The following PTPN21 variants were observed in gnomAD, a reference collection of about 807,000 sequenced individuals.
PTPN21 encodes protein tyrosine phosphatase non-receptor type 21.
Under a neutral mutation model 131.8 loss-of-function variants are expected in PTPN21, and 77 were observed. The observed-to-expected ratio is 0.58, with a 90% CI of 0.49 to 0.71. The LOEUF (loss-of-function observed/expected upper bound fraction) is 0.71, where lower values mean the gene tolerates loss of function less well. Among genes scored for constraint, PTPN21 ranks in the 30% least tolerant of loss-of-function variants. The probability of loss-of-function intolerance (pLI) is 0.00; values close to 1 mark genes in which losing one functional copy is unlikely to be tolerated. For synonymous variants in PTPN21, 715 were observed against 621.3 expected (o/e 1.15, Z -2.24); for missense variants, 1,552 against 1,527.1 (o/e 1.02, Z -0.27).
At chr14:88,549,621 T>C (rs1249726199) in intron 2 of PTPN21, among the ~76,000 whole-genome samples, 1 of 152,076 alleles carries the variant, frequency 6.6e-6, no homozygotes, top group East Asian at 1.9e-4. Flanking sequence ...TTAATTTTTT[T>C]TGAGACAGAG....
At chr14:88,545,820 C>T (rs948629932) in intron 2 of PTPN21, among the ~76,000 whole-genome samples, 2 of 151,758 alleles carry the variant, frequency 1.3e-5, no homozygotes, top group Non-Finnish European at 2.9e-5. Context: ...ATTAGCCGGG[C>T]GTGGTGGCAT....
At chr14:88,528,542 C>T (rs1232659343) in intron 2 of PTPN21, among the ~76,000 whole-genome samples, 2 of 152,168 alleles carry the variant, frequency 1.3e-5, no homozygotes, top group Admixed American at 6.5e-5. Flanking sequence ...GTGTCCTCAC[C>T]CAAATCTCAT....
rs1276971187 is a variant in PTPN21, at chr14:88,507,937, C to G, written c.434G>C (p.Gly145Ala). ...ATCTTATTTACCTTGAACAGCTAAG[C>G]CTGCTAGCTGAATTGCTTGTTCTAA... ...CTLEQAIQLA[G>A]LAVQADFGDF... The change falls in exon 4 of 19, where the codon GGC becomes GCC. Residue 145 changes from glycine (G) to alanine (A), a missense_variant. Coordinates refer to ENST00000556564, the MANE Select transcript of PTPN21 (RefSeq NM_007039.4). The G allele has an allele frequency of 6.3e-7, 1 of 1,597,596 alleles. No individual in the cohort carries two copies. Among genetic ancestry groups the G allele is most frequent in the Non-Finnish European group, 8.6e-7 (1 of 1,169,230 alleles).
At chr14:88,491,596 CAATT>C (rs1350707767) in intron 10 of PTPN21, among the ~76,000 whole-genome samples, 1 of 152,182 alleles carries the variant, frequency 6.6e-6, no homozygotes, top group African/African-American at 2.4e-5. Context: ...ATGGCCATAA[CAATT>C]AAAGTTCTTT....
Position 88,467,189 on chromosome 14 carries a change from T to A in PTPN21, c.*948A>T, listed in dbSNP as rs980967751. On this transcript the variant is annotated 3_prime_UTR_variant, in exon 19 of 19. Transcript: ENST00000556564. Reference sequence around the variant, plus strand: ...AGTCATCTTACATACTCTTAGTCCTTAATCTCTCCCAAAACGCTTCTCAGC... The same window carrying A: ...AGTCATCTTACATACTCTTAGTCCTAAATCTCTCCCAAAACGCTTCTCAGC... 2.7e-5 allele frequency: 4 copies of A among 149,732 alleles called. No homozygotes were observed. Among genetic ancestry groups the A allele is most frequent in the Non-Finnish European group, 5.9e-5 (4 of 67,590 alleles). The allele number at this position is 149,732 out of a possible 1,614,324, so 9.3% of individuals were successfully genotyped here.
At chr14:88,525,598 T>C (rs1383208819) in intron 2 of PTPN21, among the ~76,000 whole-genome samples, 5 of 152,146 alleles carry the variant, frequency 3.3e-5, no homozygotes, top group Non-Finnish European at 5.9e-5. Flanking sequence ...TATACATTGC[T>C]AGTAGAAGCA....
intron 2 of PTPN21, among the ~76,000 whole-genome samples, chr14:88,544,356 A>T (rs185051167): frequency 1.3e-5 from 2 of 151,654 alleles, no homozygotes; most frequent in Non-Finnish European, 1.5e-5. Flanking sequence ...ACCAAAAAAA[A>T]AGAAAAGAAA....
rs2077744186 is a variant in PTPN21, at chr14:88,486,971, T to C, written c.933-1129A>G. ...AGCCTGGGCAACAAGAGCGAGATTCTAGCCTCAAAAAAAAAAAAAAAAAAA... is the reference window on the plus strand; with the variant it reads ...AGCCTGGGCAACAAGAGCGAGATTCCAGCCTCAAAAAAAAAAAAAAAAAAA... On this transcript the variant is annotated intron_variant, in intron 10 of 18. Transcript: ENST00000556564. Among the ~76,000 whole-genome samples, 5 of 133,338 alleles carry C rather than the reference T, an allele frequency of 3.7e-5. No individual in the cohort carries two copies. In the South Asian group the frequency reaches 1.1e-3, roughly 30 times the overall value. 87.5% of individuals were successfully genotyped at this position (133,338 alleles called of 152,430 possible). A position where few individuals can be genotyped will look rare whatever the true frequency, so the allele number is the denominator to read the frequency against.
intron 12 of PTPN21, 87 bp downstream of exon 12, chr14:88,484,989 A>G: frequency 8.5e-7 from 1 of 1,172,342 alleles, no homozygotes; most frequent in East Asian, 2.4e-5. Context: ...TCAGCCAAAA[A>G]CTGTCCAGGC....
At chr14:88,522,680 T>C (rs2078414100) in intron 2 of PTPN21, among the ~76,000 whole-genome samples, 1 of 152,164 alleles carries the variant, frequency 6.6e-6, no homozygotes, top group African/African-American at 2.4e-5. Context: ...TTATATCTTG[T>C]TAAATACCTC....
chr14:88,494,485 T>G (rs898371499), intron 10 of PTPN21, among the ~76,000 whole-genome samples: 10 of 151,554 alleles, frequency 6.6e-5, no homozygotes, highest in African/African-American at 2.4e-4. Context: ...GTGGGTAACA[T>G]AAGGAGATCC....
chr14:88,510,388 CT>C (rs1309285618), intron 3 of PTPN21, among the ~76,000 whole-genome samples: 1 of 152,198 alleles, frequency 6.6e-6, no homozygotes, highest in Non-Finnish European at 1.5e-5. Flanking sequence ...GCTTTCTCCA[CT>C]ATTTAATAAT....
intron 3 of PTPN21, chr14:88,512,267 C>T (rs1028287890): frequency 6.6e-6 from 1 of 152,152 alleles, no homozygotes; most frequent in Non-Finnish European, 1.5e-5. Flanking sequence ...AATGTAACTA[C>T]ATTTTTATCA....
intron 8 of PTPN21, 69 bp from the exon 9 acceptor site, chr14:88,497,359 A>C: frequency 8.0e-7 from 1 of 1,251,136 alleles, no homozygotes; most frequent in South Asian, 1.2e-5. Flanking sequence ...TAGAATACAC[A>C]AGTTTTCCCT....
intron 2 of PTPN21, among the ~76,000 whole-genome samples, chr14:88,527,096 G>C (rs1320749379): frequency 6.6e-6 from 1 of 152,152 alleles, no homozygotes; most frequent in Non-Finnish European, 1.5e-5. Context: ...TTGCAATTGT[G>C]AATTGTGCTA....
intron 2 of PTPN21, among the ~76,000 whole-genome samples, chr14:88,530,120 T>A (rs1337431078): frequency 6.6e-6 from 1 of 152,148 alleles, no homozygotes; most frequent in Admixed American, 6.6e-5. Context: ...TGGGGTCCTA[T>A]ATTAGCCTCC....
At chr14:88,519,802 C>T (rs1289111600) in intron 2 of PTPN21, among the ~76,000 whole-genome samples, 1 of 152,130 alleles carries the variant, frequency 6.6e-6, no homozygotes, top group Non-Finnish European at 1.5e-5. Flanking sequence ...TTCTTAGTTG[C>T]CACCCAAGTC....
At chr14:88,505,675 G>A (rs944099102) in intron 4 of PTPN21, among the ~76,000 whole-genome samples, 6 of 152,140 alleles carry the variant, frequency 3.9e-5, no homozygotes, top group Non-Finnish European at 7.3e-5. Flanking sequence ...ATATATGCTT[G>A]CTTATGTACA....
At chr14:88,517,710 ATGTGTGTATGT>A (rs1566838986) in intron 2 of PTPN21, among the ~76,000 whole-genome samples, 3 of 145,012 alleles carry the variant, frequency 2.1e-5, no homozygotes, top group African/African-American at 7.7e-5. Context: ...ATGTGTATAT[ATGTGTGTATGT>A]GTATATATAC....
Sources: allele counts gnomAD v4.1 joint callset (sites outside exome capture counted in the v4.1 genomes callset), GRCh38; gene constraint gnomAD v4.1.1; transcripts MANE v1.5; gene names NCBI Gene and HGNC (gene_info 2026-07-23, HGNC 2026-07-21).